The following BCR variants were observed in gnomAD, a reference collection of about 807,000 sequenced individuals.
The protein encoded by BCR is breakpoint cluster region protein.
In BCR, 58 loss-of-function variants were observed where a neutral mutation model predicts 138.6. The ratio of observed to expected loss-of-function variants is 0.42; its 90% CI spans 0.34 to 0.52. The LOEUF (loss-of-function observed/expected upper bound fraction) is 0.52, where lower values mean the gene tolerates loss of function less well. BCR is among the 20% of genes least tolerant of loss of function. BCR has a pLI of 0.06. For synonymous variants in BCR, 786 were observed against 730.1 expected (o/e 1.08, Z -1.23); for missense variants, 1,599 against 1,727.2 (o/e 0.93, Z 1.32).
At chr22:23,193,673 A>C (rs1240473826) in intron 1 of BCR, among the ~76,000 whole-genome samples, 2 of 152,204 alleles carry the variant, frequency 1.3e-5, no homozygotes, top group Admixed American at 6.5e-5. Context: ...GTTTGGATCC[A>C]TCTGCAAATT....
At chr22:23,306,549 TC>T (rs1387155434) in intron 16 of BCR, among the ~76,000 whole-genome samples, 1 of 152,214 alleles carries the variant, frequency 6.6e-6, no homozygotes, top group Non-Finnish European at 1.5e-5. Flanking sequence ...GCTCAGCTTT[TC>T]TGGGCTTTAG....
At chr22:23,263,902 C>A in intron 4 of BCR, 1 of 954,078 alleles carries the variant, frequency 1.0e-6, no homozygotes, top group Non-Finnish European at 1.7e-6. Flanking sequence ...TCTTTTGTGA[C>A]AGGGACGGCT....
In BCR at chr22:23,240,222, A is replaced by G. The variant is rs572561439; in HGVS notation, c.1280-13577A>G. ...AGTTTAGAGGTTAGGACTTCAGCAT[A>G]TGAATTTAGGAGGGAACACAATTTA... On this transcript the variant is annotated intron_variant, in intron 1 of 22. Transcript: ENST00000305877. 1.3e-3 allele frequency among the ~76,000 whole-genome samples: 192 copies of G among 152,266 alleles called. 2 individuals carry two copies. The highest frequency in any genetic ancestry group is 3.1e-3 in the African/African-American group (127 of 41,524).
intron 1 of BCR, among the ~76,000 whole-genome samples, chr22:23,221,833 T>C (rs2072827963): frequency 6.6e-6 from 1 of 152,180 alleles, no homozygotes; most frequent in African/African-American, 2.4e-5. Context: ...GGCTCACACC[T>C]GTAATCCCAG....
rs751690776 is a variant in BCR at position 23,181,117 on chromosome 22, C to T, written c.157C>T (p.Arg53Cys). ...RRLEQEVNQE[R>C]FRMIYLQTLL... is the part of the protein sequence containing the mutation. Reference sequence around the variant, plus strand: ...CCTGGAGCAGGAGGTGAACCAGGAGCGCTTCCGCATGATCTACCTGCAGAC... The same window carrying T: ...CCTGGAGCAGGAGGTGAACCAGGAGTGCTTCCGCATGATCTACCTGCAGAC... The change falls in exon 1 of 23, where the codon CGC (arginine) becomes TGC (cysteine). Residue 53 changes from arginine (R) to cysteine (C), a missense_variant. Coordinates refer to ENST00000305877, the MANE Select transcript of BCR (RefSeq NM_004327.4). 5 of 1,501,244 alleles carry T rather than the reference C, an allele frequency of 3.3e-6. No individual in the cohort carries two copies. Among genetic ancestry groups the T allele is most frequent in the South Asian group, 2.5e-5 (2 of 80,156 alleles). The allele number at this position is 1,501,244 out of a possible 1,614,324, so 93.0% of individuals were successfully genotyped here. A position where few individuals can be genotyped will look rare whatever the true frequency, so the allele number is the denominator to read the frequency against.
At chr22:23,231,769 T>C (rs2072961899) in intron 1 of BCR, among the ~76,000 whole-genome samples, 1 of 152,200 alleles carries the variant, frequency 6.6e-6, no homozygotes. Context: ...AATGGGCCTG[T>C]GAGTTATGTC....
At chr22:23,284,699 G>A (rs1006569694) in intron 9 of BCR, among the ~76,000 whole-genome samples, 3 of 152,170 alleles carry the variant, frequency 2.0e-5, no homozygotes, top group Admixed American at 6.5e-5. Flanking sequence ...CAAACTTTAC[G>A]GCCCTGGGGG....
intron 1 of BCR, among the ~76,000 whole-genome samples, chr22:23,225,860 C>T (rs1256155409): frequency 6.6e-6 from 1 of 152,256 alleles, no homozygotes; most frequent in Admixed American, 6.5e-5. Flanking sequence ...CAGTGCATCC[C>T]AGGGCCTGAA....
chr22:23,181,513 G>T lies in BCR; in HGVS notation c.553G>T (p.Glu185Ter). 6.2e-7 allele frequency: 1 copy of T among 1,612,588 alleles called. No individual in the cohort carries two copies. The highest frequency in any genetic ancestry group is 8.5e-7 in the Non-Finnish European group (1 of 1,179,666). The change falls in exon 1 of 23, where the codon GAG becomes TAG. Residue 185 changes from glutamate (E) to a stop codon, truncating the protein, a stop_gained. Coordinates refer to ENST00000305877, the MANE Select transcript of BCR (RefSeq NM_004327.4). LOFTEE classifies it high-confidence loss of function. ...PFYVNVEFHH[E>*]RGLVKVNDKE... is the part of the protein sequence containing the mutation. ...CTACGTGAACGTCGAGTTTCACCAC[G>T]AGCGCGGCCTGGTGAAGGTCAACGA... is the stretch of plus-strand genomic sequence containing the variant.
intron 4 of BCR, chr22:23,264,133 G>T: frequency 6.6e-7 from 1 of 1,520,308 alleles, no homozygotes; most frequent in Non-Finnish European, 9.1e-7. Flanking sequence ...CCCCACAACA[G>T]CACCCTGTAC....
At chr22:23,184,065 AT>A (rs966387435) in intron 1 of BCR, among the ~76,000 whole-genome samples, 7 of 151,906 alleles carry the variant, frequency 4.6e-5, no homozygotes, top group Admixed American at 3.9e-4. Context: ...ATTAGGTTTT[AT>A]TTTTTCCCCC....
Position 23,181,707 on chromosome 22 carries a change from C to G in BCR, c.747C>G (p.Ala249=). The G allele has an allele frequency of 6.2e-7, 1 of 1,604,172 alleles. No individual in the cohort carries two copies. Among genetic ancestry groups the G allele is most frequent in the Non-Finnish European group, 8.5e-7 (1 of 1,179,928 alleles). ...SCGVDGDYED[A]ELNPRFLKDN... is the part of the protein sequence containing the mutation. ...GCGTCGACGGCGACTACGAGGACGC[C>G]GAGTTGAACCCCCGCTTCCTGAAGG... Residue 249 remains alanine, a synonymous_variant, in exon 1 of 23, where the codon GCC becomes GCG. Transcript: ENST00000305877.
chr22:23,283,803 A>G, intron 8 of BCR, 174 bp from the exon 9 acceptor site: 1 of 803,428 alleles, frequency 1.2e-6, no homozygotes, highest in Non-Finnish European at 1.9e-6. Context: ...CAGGACAGTG[A>G]GATGAACAAA....
At chr22:23,264,904 G>C (rs1050886150) in intron 4 of BCR, 3 of 152,076 alleles carry the variant, frequency 2.0e-5, no homozygotes, top group African/African-American at 7.2e-5. Flanking sequence ...TTCTGAGTGA[G>C]TTCTAGCCAG....
chr22:23,270,796 T>C (rs2073501321), intron 5 of BCR, among the ~76,000 whole-genome samples: 1 of 152,246 alleles, frequency 6.6e-6, no homozygotes, highest in South Asian at 2.1e-4. Context: ...CAGGGATCTT[T>C]TATTCTGCAC....
At chr22:23,276,413 A>G (rs1218010953) in intron 8 of BCR, among the ~76,000 whole-genome samples, 1 of 152,002 alleles carries the variant, frequency 6.6e-6, no homozygotes, top group African/African-American at 2.4e-5. Context: ...AAAAGAAAAA[A>G]AAAAAAAAAG....
At position 23,266,298 on chromosome 22, in the gene BCR, A is replaced by G. The variant is rs948231040; in HGVS notation, c.1753-2110A>G. Among the ~76,000 whole-genome samples the G allele has an allele frequency of 3.3e-5, 5 of 152,176 alleles. No homozygotes were observed. The East Asian group carries it at 9.6e-4, about 29-fold the overall frequency. On this transcript the variant is annotated intron_variant, in intron 4 of 22. Transcript: ENST00000305877. ...GAGACAAGGTTTCACCATGTTGGCC[A>G]GGCTGGTCTCAAACTCCTGACCTCA...
At chr22:23,221,615 A>C (rs1033287568) in intron 1 of BCR, among the ~76,000 whole-genome samples, 4 of 152,214 alleles carry the variant, frequency 2.6e-5, no homozygotes, top group Non-Finnish European at 1.5e-5. Flanking sequence ...TTCTTAGAGA[A>C]AGCTGCTGGC....
intron 8 of BCR, among the ~76,000 whole-genome samples, chr22:23,274,105 G>T (rs2073543107): frequency 6.6e-6 from 1 of 152,162 alleles, no homozygotes; most frequent in Non-Finnish European, 1.5e-5. Context: ...CAGCCAAGGA[G>T]ACTTGTGCAA....
Sources: allele counts gnomAD v4.1 joint callset (sites outside exome capture counted in the v4.1 genomes callset), GRCh38; gene constraint gnomAD v4.1.1; transcripts MANE v1.5; gene names NCBI Gene and HGNC (gene_info 2026-07-23, HGNC 2026-07-21).